POLRMT: variants seen among roughly 807,000 people sequenced by gnomAD.
POLRMT encodes the protein DNA-directed RNA polymerase, mitochondrial.
A neutral mutation model predicts 132.2 loss-of-function variants in POLRMT; 114 were observed. The observed-to-expected ratio is 0.86, with a 90% CI of 0.74 to 1.01. The LOEUF (loss-of-function observed/expected upper bound fraction) is 1.01. Among genes scored for constraint, POLRMT ranks in the 50% least tolerant of loss-of-function variants. POLRMT has a pLI of 0.00. For synonymous variants in POLRMT, 1,020 were observed against 773.4 expected, an observed-to-expected ratio of 1.32 and a Z score of -5.29; for missense variants, 2,003 against 1,729.1, an observed-to-expected ratio of 1.16 and a Z score of -2.81.
intron 5 of POLRMT, among the ~76,000 whole-genome samples, chr19:624,428 C>T (rs1005068968): frequency 3.3e-5 from 5 of 152,172 alleles, no homozygotes; most frequent in Non-Finnish European, 5.9e-5. Context: ...CAGTAACAGA[C>T]GAGCCCACTG....
Position 617,862 on chromosome 19 carries a change from G to A in POLRMT, c.3423-13C>T, listed in dbSNP as rs113833322. 840 of 1,612,538 alleles carry A rather than the reference G, an allele frequency of 5.2e-4. 12 individuals carry two copies. In the South Asian group the frequency reaches 8.0e-3, roughly 15 times the overall value. ...GGTCAGGCCCTTCCTGTGGCAGAGC[G>A]GAGGACTCCTGAAGGGAGGGGAGCT... On this transcript the variant is annotated splice_polypyrimidine_tract_variant and intron_variant, in intron 17 of 20. Coordinates refer to ENST00000588649, the MANE Select transcript of POLRMT (RefSeq NM_005035.4).
In POLRMT at chr19:623,599, C is replaced by T. The variant is rs1233832849; in HGVS notation, c.1145G>A (p.Gly382Glu). Residue 382 changes from glycine to glutamate, a missense_variant, in exon 6 of 21, where the codon GGG (glycine) becomes GAG (glutamate). Coordinates refer to ENST00000588649, the MANE Select transcript of POLRMT (RefSeq NM_005035.4). ...KLLRDVYAKD[G>E]RVSYPKLHLP... ...GTGCAGCTTCGGGTAGGACACACGC[C>T]CATCCTGCAGGGATGGGGGTAGTGA... is the stretch of plus-strand genomic sequence containing the variant. 2 of 1,613,576 alleles carry T rather than the reference C, an allele frequency of 1.2e-6. No homozygotes were observed. The highest frequency in any genetic ancestry group is 1.3e-5 in the African/African-American group (1 of 75,064).
chr19:624,863 T>C lies in POLRMT; in HGVS notation c.996A>G (p.Ala332=), dbSNP rs1315090205. 6.2e-7 allele frequency: 1 copy of C among 1,612,712 alleles called. No homozygotes were observed. The highest frequency in any genetic ancestry group is 8.5e-7 in the Non-Finnish European group (1 of 1,179,798). The stretch of plus-strand genomic sequence containing the variant: ...CAGACAGCAGAACGGCGGTGAAGAG[T>C]GCCTGCAGCTTCAGCCCCTCCTGGC... ...QMSQEGLKLQ[A]LFTAVLLSEE... is the part of the protein sequence containing the mutation. The change falls in exon 5 of 21, where the codon GCA becomes GCG. Residue 332 remains alanine (A), a synonymous_variant. Coordinates refer to ENST00000588649, the MANE Select transcript of POLRMT (RefSeq NM_005035.4).
At chr19:630,775 G>A (rs995687870) in intron 2 of POLRMT, among the ~76,000 whole-genome samples, 2 of 152,200 alleles carry the variant, frequency 1.3e-5, no homozygotes, top group Non-Finnish European at 2.9e-5. Flanking sequence ...CAGGGAAAAC[G>A]CGGCTCCTGC....
chr19:630,146 C>G lies in POLRMT; in HGVS notation c.216G>C (p.Gln72His). The G allele has an allele frequency of 6.2e-7, 1 of 1,601,786 alleles. No homozygotes were observed. Among genetic ancestry groups the G allele is most frequent in the Non-Finnish European group, 8.5e-7 (1 of 1,172,412 alleles). ...LLEVLQARVR[Q>H]LQAESVSEVV... ...CCTCCGACACGCTCTCAGCCTGCAG[C>G]TGCCGCACCCGCGCCTGGAGCACTG... Residue 72 changes from glutamine (Q) to histidine (H), a missense_variant, in exon 3 of 21, where the codon CAG becomes CAC. Transcript: ENST00000588649.
rs1220820892 is a variant in POLRMT at position 617,605 on chromosome 19, G to C, written c.3546C>G (p.Asp1182Glu). 5 of 1,612,394 alleles carry C rather than the reference G, an allele frequency of 3.1e-6. No individual in the cohort carries two copies. Among genetic ancestry groups the C allele is most frequent in the Non-Finnish European group, 4.2e-6 (5 of 1,179,984 alleles). Residue 1182 changes from aspartate (D) to glutamate (E), a missense_variant, in exon 19 of 21, where the codon GAC becomes GAG. Coordinates refer to ENST00000588649, the MANE Select transcript of POLRMT (RefSeq NM_005035.4). The stretch of plus-strand genomic sequence containing the variant: ...ACCGCTTGACCAGGAATCTGGACAG[G>C]TCCTGCAGGATGGGCTCGCTGTGCA... ...VRLHSEPILQ[D>E]LSRFLVKRFC... is the part of the protein sequence containing the mutation.
chr19:624,703 G>A lies in POLRMT; in HGVS notation c.1140+16C>T, dbSNP rs750577050. ...GCTATAAGGACTGAAGTCTGCCGGG[G>A]CCCACGTGGGCTCACCTTGGCATAC... On this transcript the variant is annotated intron_variant, in intron 5 of 20. Transcript: ENST00000588649. 39 of 1,607,412 alleles carry A rather than the reference G, an allele frequency of 2.4e-5. No individual in the cohort carries two copies. In the South Asian group the frequency reaches 2.8e-4, roughly 11 times the overall value.
In POLRMT at chr19:630,155, C is replaced by G; in HGVS notation, c.207G>C (p.Arg69=). The change falls in exon 3 of 21, where the codon CGG becomes CGC. Residue 69 remains arginine, a synonymous_variant. Coordinates refer to ENST00000588649, the MANE Select transcript of POLRMT (RefSeq NM_005035.4). The stretch of plus-strand genomic sequence containing the variant: ...CGCTCTCAGCCTGCAGCTGCCGCAC[C>G]CGCGCCTGGAGCACTGTGAGGGGCA... ...HVELLEVLQA[R]VRQLQAESVS... 1.9e-6 allele frequency: 3 copies of G among 1,596,818 alleles called. No homozygotes were observed. Among genetic ancestry groups the G allele is most frequent in the Non-Finnish European group, 2.6e-6 (3 of 1,169,958 alleles).
Position 621,440 on chromosome 19 carries a change from G to A in POLRMT, c.2258C>T (p.Ala753Val). 2 of 1,440,276 alleles carry A rather than the reference G, an allele frequency of 1.4e-6. No homozygotes were observed. Among genetic ancestry groups the A allele is most frequent in the South Asian group, 2.7e-5 (2 of 72,744 alleles). The allele number at this position is 1,440,276 out of a possible 1,614,324, so 89.2% of individuals were successfully genotyped here. A position where few individuals can be genotyped will look rare whatever the true frequency, so the allele number is the denominator to read the frequency against. ...EAHLPHSAAPARKAELRRELA... is the reference protein window; with the variant it reads ...EAHLPHSAAPVRKAELRRELA... Reference sequence around the variant, plus strand: ...CTCACGGCGCAGCTCGGCCTTGCGGGCGGGCGCGGCGCTGTGCGGCAGGTG... The same window carrying A: ...CTCACGGCGCAGCTCGGCCTTGCGGACGGGCGCGGCGCTGTGCGGCAGGTG... Residue 753 changes from alanine (A) to valine (V), a missense_variant, in exon 10 of 21, where the codon GCC (alanine) becomes GTC (valine). By Grantham distance (64) the Ala-to-Val change is moderately conservative (BLOSUM62 0). Coordinates refer to ENST00000588649, the MANE Select transcript of POLRMT (RefSeq NM_005035.4).
intron 5 of POLRMT, among the ~76,000 whole-genome samples, chr19:623,867 C>A (rs1159223788): frequency 1.3e-5 from 2 of 152,178 alleles, no homozygotes; most frequent in Non-Finnish European, 2.9e-5. Flanking sequence ...TGGGAGCTGG[C>A]AGAGCCTGGG....
rs1185921381 is a variant in POLRMT at position 617,448 on chromosome 19, T to C, written c.3614A>G (p.Lys1205Arg). Reference protein sequence around the residue: ...PQKILEASQLKETLQAVPKPG... With the variant: ...PQKILEASQLRETLQAVPKPG... ...CTTGGGCACCGCCTGCAGTGTCTCC[T>C]TCAGCTGGCTGGCCTCCAAGATCTT... Residue 1205 changes from lysine to arginine, a missense_variant, in exon 20 of 21, where the codon AAG (lysine) becomes AGG (arginine). Transcript: ENST00000588649. 3 of 1,611,888 alleles carry C rather than the reference T, an allele frequency of 1.9e-6. No individual in the cohort carries two copies. The African/African-American group carries it at 4.0e-5, about 22-fold the overall frequency.
At position 621,450 on chromosome 19, in the gene POLRMT, C is replaced by T. The variant is rs1481156789; in HGVS notation, c.2248G>A (p.Ala750Thr). The change falls in exon 10 of 21, where the codon GCC (alanine) becomes ACC (threonine). Residue 750 changes from alanine to threonine, a missense_variant. Coordinates refer to ENST00000588649, the MANE Select transcript of POLRMT (RefSeq NM_005035.4). The stretch of plus-strand genomic sequence containing the variant: ...AGCTCGGCCTTGCGGGCGGGCGCGG[C>T]GCTGTGCGGCAGGTGGGCCTCGGGC... ...QPPEAHLPHS[A>T]APARKAELRR... 9.3e-6 allele frequency: 13 copies of T among 1,400,998 alleles called. No individual in the cohort carries two copies. In the African/African-American group the frequency reaches 1.5e-4, roughly 17 times the overall value. 86.8% of individuals were successfully genotyped at this position (1,400,998 alleles called of 1,614,324 possible).
At chr19:624,352 C>T (rs79080539) in intron 5 of POLRMT, among the ~76,000 whole-genome samples, 1,801 of 152,324 alleles carry the variant, frequency 0.012, 37 homozygotes, top group African/African-American at 0.04. Context: ...AATTAGACAA[C>T]CGTGACTACA....
intron 1 of POLRMT, 77 bp downstream of exon 1, chr19:633,348 C>G: frequency 1.5e-6 from 2 of 1,377,040 alleles, no homozygotes; most frequent in Non-Finnish European, 1.9e-6. Flanking sequence ...AAGGTCAAAG[C>G]GCCAAAGGCC....
At position 622,652 on chromosome 19, in the gene POLRMT, A is replaced by C. The variant is rs1351765780; in HGVS notation, c.1556T>G (p.Val519Gly). 8.7e-6 allele frequency: 14 copies of C among 1,606,516 alleles called. No homozygotes were observed. Among genetic ancestry groups the C allele is most frequent in the Non-Finnish European group, 1.2e-5 (14 of 1,178,150 alleles). ...FSRHVVQRQR[V>G]SGQVQALQNH... ...CTGCAGCGCCTGCACCTGGCCACTG[A>C]CCCGCTGCCTCTGCACCACGTGCCG... The change falls in exon 8 of 21, where the codon GTC (valine) becomes GGC (glycine). Residue 519 changes from valine to glycine, a missense_variant. By Grantham distance (109) the Val-to-Gly change is moderately radical. Coordinates refer to ENST00000588649, the MANE Select transcript of POLRMT (RefSeq NM_005035.4).
chr19:622,271 T>C lies in POLRMT; in HGVS notation c.1729A>G (p.Lys577Glu), dbSNP rs1984672484. Residue 577 changes from lysine to glutamate, a missense_variant, in exon 9 of 21, where the codon AAG becomes GAG. Coordinates refer to ENST00000588649, the MANE Select transcript of POLRMT (RefSeq NM_005035.4). ...TGCACCAGCATCTCCGCCAGCAGCT[T>C]GCCCAGCTCCATCTGCACTGGCAGG... ...WPLPVQMELG[K>E]LLAEMLVQAT... 1 of 1,562,444 alleles carries C rather than the reference T, an allele frequency of 6.4e-7. No individual in the cohort carries two copies. The highest frequency in any genetic ancestry group is 1.4e-5 in the African/African-American group (1 of 73,544).
At chr19:618,655 G>A (rs1984219729) in intron 16 of POLRMT, 50 bp downstream of exon 16, 3 of 1,602,088 alleles carry the variant, frequency 1.9e-6, no homozygotes, top group South Asian at 1.1e-5. Context: ...TCTCCACCGT[G>A]GCTGCTCTCC....
chr19:621,557 A>G lies in POLRMT; in HGVS notation c.2141T>C (p.Leu714Pro). ...CTGGAAGAGCTGCAGCACCAGGTCC[A>G]GCACGCGCCCGTTGACGCGCCAGGC... ...NCAWRVNGRV[L>P]DLVLQLFQAK... The change falls in exon 10 of 21, where the codon CTG becomes CCG. Residue 714 changes from leucine (L) to proline (P), a missense_variant. Coordinates refer to ENST00000588649, the MANE Select transcript of POLRMT (RefSeq NM_005035.4). 1 of 1,441,728 alleles carries G rather than the reference A, an allele frequency of 6.9e-7. No homozygotes were observed. Among genetic ancestry groups the G allele is most frequent in the Non-Finnish European group, 9.1e-7 (1 of 1,102,294 alleles). The allele number at this position is 1,441,728 out of a possible 1,614,324, so 89.3% of individuals were successfully genotyped here.
chr19:620,622 G>C, intron 10 of POLRMT, 135 bp from the exon 11 acceptor site: 1 of 1,149,164 alleles, frequency 8.7e-7, no homozygotes, highest in Non-Finnish European at 1.2e-6. Context: ...GCATGTGGGC[G>C]AGAGACGGGG....
Sources: gnomAD v4.1 joint callset for allele counts (sites outside exome capture counted in the v4.1 genomes callset) on GRCh38, gnomAD v4.1.1 for gene constraint, MANE v1.5 for transcripts, NCBI Gene and HGNC (gene_info 2026-07-23, HGNC 2026-07-21) for gene names.